The following TNKS2 variants were observed in gnomAD, a reference collection of about 807,000 sequenced individuals.
The protein encoded by TNKS2 is poly [ADP-ribose] polymerase tankyrase-2.
In TNKS2, 72 loss-of-function variants were observed where a neutral mutation model predicts 137.6. The ratio of observed to expected loss-of-function variants is 0.52; its 90% CI spans 0.43 to 0.64. The LOEUF is 0.64. Among genes scored for constraint, TNKS2 ranks in the 30% least tolerant of loss-of-function variants. The pLI is 0.00. For missense variants in TNKS2, 1,049 were observed against 1,410.2 expected (o/e 0.74, Z 4.10); for synonymous variants, 516 against 512.1 (o/e 1.01, Z -0.10).
At chr10:91,801,590 C>T (rs1258390180) in intron 1 of TNKS2, among the ~76,000 whole-genome samples, 1 of 152,084 alleles carries the variant, frequency 6.6e-6, no homozygotes, top group African/African-American at 2.4e-5. Flanking sequence ...TCTCCTGTCT[C>T]AGCCTCCTAA....
At chr10:91,828,801 G>A (rs1329921022) in intron 9 of TNKS2, among the ~76,000 whole-genome samples, 4 of 152,180 alleles carry the variant, frequency 2.6e-5, no homozygotes, top group Non-Finnish European at 5.9e-5. Flanking sequence ...AACACTTGGT[G>A]TAGTCCCTTC....
intron 14 of TNKS2, among the ~76,000 whole-genome samples, chr10:91,840,970 T>C (rs1275241860): frequency 6.6e-6 from 1 of 152,168 alleles, no homozygotes; most frequent in Non-Finnish European, 1.5e-5. Flanking sequence ...ATGTAGTAAA[T>C]TTTTCAGTTT....
At chr10:91,807,038 A>G in intron 1 of TNKS2, 2 of 1,050,818 alleles carry the variant, frequency 1.9e-6, no homozygotes, top group Non-Finnish European at 2.7e-6. Context: ...AGTAAACATT[A>G]AAAAGAAAAT....
intron 5 of TNKS2, 143 bp downstream of exon 5, chr10:91,819,700 T>A: frequency 2.5e-6 from 2 of 798,676 alleles, no homozygotes; most frequent in African/African-American, 1.7e-5. Context: ...TTCAAATTCT[T>A]AAGCCTAGTA....
intron 12 of TNKS2, among the ~76,000 whole-genome samples, chr10:91,835,592 C>CTTTTTTTTTTTTTTTTTTTTTTT (rs35247985): frequency 1.8e-5 from 2 of 109,424 alleles, no homozygotes; most frequent in African/African-American, 3.5e-5. Context: ...CCCGGCCTTT[C>CTTTTTTTTTTTTTTTTTTTTTTT]TTTTTTTTTT....
intron 9 of TNKS2, among the ~76,000 whole-genome samples, chr10:91,829,419 A>G (rs1845166843): frequency 6.7e-6 from 1 of 149,624 alleles, no homozygotes; most frequent in African/African-American, 2.6e-5. Context: ...CTGTGAAGCA[A>G]CTCGTTTTTG....
chr10:91,829,166 A>G (rs1845158230), intron 9 of TNKS2, among the ~76,000 whole-genome samples: 1 of 152,164 alleles, frequency 6.6e-6, no homozygotes, highest in Non-Finnish European at 1.5e-5. Flanking sequence ...TACTTACCTA[A>G]TATCTTTTAT....
chr10:91,824,832 C>T (rs972870931), intron 7 of TNKS2, among the ~76,000 whole-genome samples: 1 of 152,038 alleles, frequency 6.6e-6, no homozygotes, highest in African/African-American at 2.4e-5. Flanking sequence ...CGAAATAAGT[C>T]GCACAAGAAA....
chr10:91,853,283 C>A (rs1235337460), intron 21 of TNKS2, among the ~76,000 whole-genome samples: 1 of 152,206 alleles, frequency 6.6e-6, no homozygotes, highest in Non-Finnish European at 1.5e-5. Context: ...ACCTCTGGTC[C>A]TGTAGTCACT....
intron 21 of TNKS2, among the ~76,000 whole-genome samples, chr10:91,854,128 T>C (rs1181424753): frequency 1.4e-5 from 2 of 146,056 alleles, no homozygotes; most frequent in African/African-American, 2.5e-5. Context: ...CAATAGGTGG[T>C]AAACTGTGGA....
intron 1 of TNKS2, chr10:91,807,380 A>T (rs1296209186): frequency 6.2e-7 from 1 of 1,614,188 alleles, no homozygotes; most frequent in Non-Finnish European, 8.5e-7. Flanking sequence ...TCATAGGGTC[A>T]GCGAGGTAAA....
intron 25 of TNKS2, among the ~76,000 whole-genome samples, chr10:91,861,070 G>A (rs1842839197): frequency 6.6e-6 from 1 of 152,168 alleles, no homozygotes; most frequent in Non-Finnish European, 1.5e-5. Flanking sequence ...TTGAAACTAA[G>A]AAAGGCTAGT....
chr10:91,827,316 A>G (rs1845100192), intron 8 of TNKS2, 113 bp downstream of exon 8: 3 of 870,414 alleles, frequency 3.4e-6, no homozygotes, highest in African/African-American at 3.4e-5. Context: ...TTTCTTAGCC[A>G]TGGGCATCCA....
intron 1 of TNKS2, chr10:91,807,488 C>G (rs1844362975): frequency 1.3e-6 from 2 of 1,536,756 alleles, no homozygotes; most frequent in Middle Eastern, 2.2e-4. Context: ...CAGAACCCGG[C>G]CCAACAAACT....
At chr10:91,862,727 A>G (rs1842882193) in intron 26 of TNKS2, among the ~76,000 whole-genome samples, 1 of 152,166 alleles carries the variant, frequency 6.6e-6, no homozygotes, top group Non-Finnish European at 1.5e-5. Flanking sequence ...TCTGATACTT[A>G]TGAACTTAGT....
At chr10:91,833,699 C>T (rs1290691945) in intron 11 of TNKS2, among the ~76,000 whole-genome samples, 154 bp from the exon 12 acceptor site, 1 of 152,122 alleles carries the variant, frequency 6.6e-6, no homozygotes, top group East Asian at 1.9e-4. Flanking sequence ...TAAATTTATT[C>T]TCTAGATTTG....
chr10:91,845,754 T>A lies in TNKS2; in HGVS notation c.2172T>A (p.His724Gln). The change falls in exon 18 of 27, where the codon CAT becomes CAA. Residue 724 changes from histidine (H) to glutamine (Q), a missense_variant and splice_region_variant. By Grantham distance (24) the His-to-Gln change is conservative. Transcript: ENST00000371627. ...GTAACGGGTATTTTCTTTTACAGCA[T>A]GTAGATGTAGCAGCTCTACTAATAA... is the stretch of plus-strand genomic sequence containing the variant. ...IPLHNAASYG[H>Q]VDVAALLIKY... 1 of 1,524,872 alleles carries A rather than the reference T, an allele frequency of 6.6e-7. No homozygotes were observed. Among genetic ancestry groups the A allele is most frequent in the Non-Finnish European group, 8.9e-7 (1 of 1,124,328 alleles). The allele number at this position is 1,524,872 out of a possible 1,614,324, so 94.5% of individuals were successfully genotyped here. A position where few individuals can be genotyped will look rare whatever the true frequency, so the allele number is the denominator to read the frequency against.
chr10:91,800,133 A>C (rs1035502252), intron 1 of TNKS2, among the ~76,000 whole-genome samples: 1 of 152,220 alleles, frequency 6.6e-6, no homozygotes, highest in Admixed American at 6.5e-5. Flanking sequence ...AAGAAAGTTT[A>C]GGGAACCTAG....
At chr10:91,822,724 C>T (rs1295931871) in intron 7 of TNKS2, among the ~76,000 whole-genome samples, 1 of 151,652 alleles carries the variant, frequency 6.6e-6, no homozygotes, top group Non-Finnish European at 1.5e-5. Flanking sequence ...CGCCATCACG[C>T]CCAGCTAAGT....
Sources: gnomAD v4.1 joint callset for allele counts (sites outside exome capture counted in the v4.1 genomes callset) on GRCh38, gnomAD v4.1.1 for gene constraint, MANE v1.5 for transcripts, NCBI Gene and HGNC (gene_info 2026-07-23, HGNC 2026-07-21) for gene names.